LRP1B: variants seen among roughly 807,000 people sequenced by gnomAD.
LRP1B encodes low-density lipoprotein receptor-related protein 1B.
LRP1B carries 217 observed loss-of-function variants against 556.6 expected under a neutral mutation model. That is an observed-to-expected ratio of 0.39 (90% CI 0.35 to 0.44). The LOEUF is 0.44. Ranked by LOEUF, LRP1B falls within the 20% of genes least tolerant of loss-of-function variation. The pLI is 1.00. For missense variants in LRP1B, 5,053 were observed against 5,620.8 expected, an observed-to-expected ratio of 0.90 and a Z score of 3.23; for synonymous variants, 2,047 against 1,865.8, an observed-to-expected ratio of 1.10 and a Z score of -2.50.
At chr2:140,252,062 CAAAA>C in intron 86 of LRP1B, among the ~76,000 whole-genome samples, 64 of 18,550 alleles carry the variant, frequency 3.5e-3, no homozygotes, top group South Asian at 0.013. Flanking sequence ...TGACAAGATG[CAAAA>C]AAAAAAAAAA....
At chr2:140,937,192 C>T (rs921295007) in intron 20 of LRP1B, among the ~76,000 whole-genome samples, 23 of 152,010 alleles carry the variant, frequency 1.5e-4, no homozygotes, top group African/African-American at 5.3e-4. Context: ...AATTGAGGAA[C>T]AAAAAGTACT....
At chr2:141,530,529 A>G (rs1338253428) in intron 2 of LRP1B, among the ~76,000 whole-genome samples, 1 of 151,726 alleles carries the variant, frequency 6.6e-6, no homozygotes, top group Non-Finnish European at 1.5e-5. Context: ...CTAGCTGCTA[A>G]GGATAGAACA....
At chr2:140,883,745 A>C in intron 25 of LRP1B, 72 bp downstream of exon 25, 3 of 1,432,478 alleles carry the variant, frequency 2.1e-6, no homozygotes, top group Non-Finnish European at 2.9e-6. Flanking sequence ...TGATGAGATA[A>C]TTAAATTCAA....
chr2:141,229,474 G>A lies in LRP1B; in HGVS notation c.593-34C>T, dbSNP rs201100679. On this transcript the variant is annotated intron_variant, in intron 5 of 90. Coordinates refer to ENST00000389484, the MANE Select transcript of LRP1B (RefSeq NM_018557.3). ...AAATAGAAAAAGAGAAGTAAATTCA[G>A]TAAGAGTCAAGATTATTTTACAGTT... 5.6e-6 allele frequency: 8 copies of A among 1,424,936 alleles called. No individual in the cohort carries two copies. In the East Asian group the frequency reaches 1.8e-4, roughly 33 times the overall value. The allele number at this position is 1,424,936 out of a possible 1,614,324, so 88.3% of individuals were successfully genotyped here. A position where few individuals can be genotyped will look rare whatever the true frequency, so the allele number is the denominator to read the frequency against.
intron 43 of LRP1B, among the ~76,000 whole-genome samples, chr2:140,546,762 C>T (rs1033224441): frequency 1.3e-5 from 2 of 152,106 alleles, no homozygotes; most frequent in African/African-American, 4.8e-5. Context: ...GGAATGCTTC[C>T]AGCTTTTGCC....
At chr2:141,679,012 A>T (rs907662764) in intron 2 of LRP1B, among the ~76,000 whole-genome samples, 1 of 152,260 alleles carries the variant, frequency 6.6e-6, no homozygotes, top group South Asian at 2.1e-4. Context: ...TCTCTTGCTC[A>T]TGCTTTCTAA....
intron 86 of LRP1B, among the ~76,000 whole-genome samples, chr2:140,258,490 T>G (rs2104921290): frequency 6.6e-6 from 1 of 152,252 alleles, no homozygotes; most frequent in Middle Eastern, 3.4e-3. Flanking sequence ...ATGCCAAAAT[T>G]TACCTAATTT....
intron 2 of LRP1B, among the ~76,000 whole-genome samples, chr2:141,727,727 A>G (rs1574290421): frequency 6.6e-6 from 1 of 152,106 alleles, no homozygotes; most frequent in Admixed American, 6.6e-5. Flanking sequence ...GAAATGTGTC[A>G]TGAGAGTTCT....
At chr2:141,334,283 C>T (rs958359618) in intron 3 of LRP1B, among the ~76,000 whole-genome samples, 5 of 152,120 alleles carry the variant, frequency 3.3e-5, no homozygotes, top group African/African-American at 9.7e-5. Flanking sequence ...ACCATCCCAC[C>T]GGGTGCTTTT....
intron 31 of LRP1B, among the ~76,000 whole-genome samples, chr2:140,822,718 T>C (rs1691369676): frequency 6.6e-6 from 1 of 152,196 alleles, no homozygotes; most frequent in African/African-American, 2.4e-5. Context: ...CCACATTCCA[T>C]GCTTGAAAAG....
At chr2:142,052,315 T>TG (rs1309359373) in intron 1 of LRP1B, among the ~76,000 whole-genome samples, 2 of 152,110 alleles carry the variant, frequency 1.3e-5, no homozygotes, top group African/African-American at 2.4e-5. Context: ...AAGAGCCTCC[T>TG]GGGCCCTTTA....
Position 140,867,633 on chromosome 2 carries a change from C to T in LRP1B, c.4536G>A (p.Gln1512=), listed in dbSNP as rs2105153406. ...GATGGTATATCTGAAGGTCAAATGG[C>T]TGTGCACTGGTTTTCTGAATCACAC... is the stretch of plus-strand genomic sequence containing the variant. The part of the protein sequence containing the change: ...NVSVIQKTSA[Q]PFDLQIYHPS... The change falls in exon 27 of 91, where the codon CAG becomes CAA. Residue 1512 remains glutamine, a synonymous_variant. Transcript: ENST00000389484. 1 of 1,613,406 alleles carries T rather than the reference C, an allele frequency of 6.2e-7. No homozygotes were observed. Among genetic ancestry groups the T allele is most frequent in the Non-Finnish European group, 8.5e-7 (1 of 1,179,542 alleles).
intron 1 of LRP1B, among the ~76,000 whole-genome samples, chr2:141,998,472 T>C (rs959490579): frequency 3.0e-4 from 45 of 152,300 alleles, no homozygotes; most frequent in African/African-American, 1.1e-3. Context: ...CTCCGGTTGA[T>C]TAAGAATCTT....
chr2:140,879,842 G>C (rs1295590617), intron 25 of LRP1B, among the ~76,000 whole-genome samples: 1 of 151,524 alleles, frequency 6.6e-6, no homozygotes, highest in African/African-American at 2.4e-5. Flanking sequence ...TAAGTGTCTG[G>C]ATTAAACTGG....
At position 141,990,952 on chromosome 2, in the gene LRP1B, AT is replaced by A. The variant is rs1702326862; in HGVS notation, c.82+139695del. 2.0e-5 allele frequency among the ~76,000 whole-genome samples: 3 copies of A among 152,046 alleles called. No homozygotes were observed. The South Asian group carries it at 6.2e-4, about 31-fold the overall frequency. On this transcript the variant is annotated intron_variant, in intron 1 of 90. Coordinates refer to ENST00000389484, the MANE Select transcript of LRP1B (RefSeq NM_018557.3). ...GATCTCCCAAAGCTACCTTTCCAACATCACTTGAAGATTCAGTGGTTCTTCG... is the reference window on the plus strand; with the variant it reads ...GATCTCCCAAAGCTACCTTTCCAACACACTTGAAGATTCAGTGGTTCTTCG...
Position 141,459,782 on chromosome 2 carries a change from G to A in LRP1B, c.343+20614C>T, listed in dbSNP as rs548105972. 1.2e-4 allele frequency among the ~76,000 whole-genome samples: 18 copies of A among 152,300 alleles called. 1 individual carries two copies. Among genetic ancestry groups the A allele is most frequent in the African/African-American group, 3.8e-4 (16 of 41,568 alleles). On this transcript the variant is annotated intron_variant, in intron 3 of 90. Coordinates refer to ENST00000389484, the MANE Select transcript of LRP1B (RefSeq NM_018557.3). ...GAGGCCTCCCCCGCCACATGGAACT[G>A]TGAGTCCATGAAACCTCTTTCTTTT...
chr2:140,625,526 C>G (rs1469473267), intron 41 of LRP1B, among the ~76,000 whole-genome samples: 1 of 152,078 alleles, frequency 6.6e-6, no homozygotes, highest in Non-Finnish European at 1.5e-5. Flanking sequence ...ACACTTACAA[C>G]TCAACAAGAG....
intron 68 of LRP1B, among the ~76,000 whole-genome samples, chr2:140,373,490 A>AT (rs1683083562): frequency 6.6e-6 from 1 of 152,278 alleles, no homozygotes; most frequent in South Asian, 2.1e-4. Context: ...CAAAAAACGG[A>AT]TAAAAAAAAA....
In LRP1B at chr2:140,305,953, A is replaced by T. The variant is rs538032346; in HGVS notation, c.12806-7984T>A. ...TGGTTCTGTTTATATGCTGGATTAC[A>T]TTTATTGATTTGCGTATGTTAAACC... On this transcript the variant is annotated intron_variant, in intron 83 of 90. Coordinates refer to ENST00000389484, the MANE Select transcript of LRP1B (RefSeq NM_018557.3). 1.9e-3 allele frequency among the ~76,000 whole-genome samples: 295 copies of T among 151,778 alleles called. 1 individual carries two copies. The highest frequency in any genetic ancestry group is 7.0e-3 in the African/African-American group (289 of 41,382).
Sources: allele counts gnomAD v4.1 joint callset (sites outside exome capture counted in the v4.1 genomes callset), GRCh38; gene constraint gnomAD v4.1.1; transcripts MANE v1.5; gene names NCBI Gene and HGNC (gene_info 2026-07-23, HGNC 2026-07-21).